The following GRIK1 variants were observed in gnomAD, a reference collection of about 807,000 sequenced individuals.
GRIK1 encodes glutamate receptor ionotropic, kainate 1.
Under a neutral mutation model 105.7 loss-of-function variants are expected in GRIK1, and 69 were observed. That is an observed-to-expected ratio of 0.65 (90% confidence interval 0.54 to 0.80). The LOEUF is 0.80. GRIK1 is among the 30% of genes least tolerant of loss of function. The pLI, the probability that GRIK1 is intolerant of heterozygous loss-of-function variation, is 0.00. For synonymous variants in GRIK1, 438 were observed against 431.3 expected (o/e 1.02, Z -0.19); for missense variants, 1,109 against 1,167.3 (o/e 0.95, Z 0.73).
chr21:29,719,186 A>C (rs148481415), intron 1 of GRIK1, among the ~76,000 whole-genome samples: 192 of 150,844 alleles, frequency 1.3e-3, no homozygotes, highest in African/African-American at 4.6e-3. Context: ...CTTTATATAT[A>C]ATTTTATCTA....
intron 1 of GRIK1, among the ~76,000 whole-genome samples, chr21:29,850,983 T>G (rs1169540912): frequency 1.3e-5 from 2 of 152,180 alleles, no homozygotes; most frequent in Non-Finnish European, 2.9e-5. Context: ...TTTATTACTG[T>G]CAGTCTGTAC....
intron 1 of GRIK1, among the ~76,000 whole-genome samples, chr21:29,713,957 C>T (rs1174267180): frequency 6.6e-6 from 1 of 152,112 alleles, no homozygotes; most frequent in Non-Finnish European, 1.5e-5. Context: ...TTTATAGTCT[C>T]AGCAACTGTA....
intron 14 of GRIK1, among the ~76,000 whole-genome samples, chr21:29,562,722 G>T (rs886192905): frequency 3.5e-5 from 5 of 143,784 alleles, no homozygotes; most frequent in Non-Finnish European, 7.6e-5. Context: ...AATTTTAATT[G>T]TAATCATATT....
intron 7 of GRIK1, among the ~76,000 whole-genome samples, chr21:29,633,719 A>G (rs2062336216): frequency 6.6e-6 from 1 of 151,982 alleles, no homozygotes; most frequent in African/African-American, 2.4e-5. Flanking sequence ...GGACCTAAAA[A>G]CCCACTCTTC....
At chr21:29,898,061 T>C (rs567487273) in intron 1 of GRIK1, among the ~76,000 whole-genome samples, 4 of 152,240 alleles carry the variant, frequency 2.6e-5, no homozygotes, top group African/African-American at 9.6e-5. Context: ...CTTCTTCGCC[T>C]ACTGAGTCTT....
At chr21:29,790,256 C>T (rs2066376384) in intron 1 of GRIK1, among the ~76,000 whole-genome samples, 1 of 152,092 alleles carries the variant, frequency 6.6e-6, no homozygotes, top group African/African-American at 2.4e-5. Flanking sequence ...ACCATGTTGG[C>T]CAGGATGGTC....
chr21:29,832,109 C>A lies in GRIK1; in HGVS notation c.118+107274G>T, dbSNP rs113942083. Among the ~76,000 whole-genome samples the A allele has an allele frequency of 5.2e-3, 793 of 152,280 alleles. 7 individuals are homozygous for A. Among genetic ancestry groups the A allele is most frequent in the African/African-American group, 0.018 (758 of 41,554 alleles). ...TTAAATCTTAAAGCTCCAAAATAAT[C>A]TTCTTTGACTCCATGTCTCACATCC... is the stretch of plus-strand genomic sequence containing the variant. On this transcript the variant is annotated intron_variant, in intron 1 of 17. Coordinates refer to ENST00000327783, the MANE Select transcript of GRIK1 (RefSeq NM_001330994.2).
At chr21:29,909,548 CT>C (rs2070747518) in intron 1 of GRIK1, among the ~76,000 whole-genome samples, 1 of 151,974 alleles carries the variant, frequency 6.6e-6, no homozygotes, top group African/African-American at 2.4e-5. Flanking sequence ...AGTTTGATAT[CT>C]TTCTATGTGT....
At position 29,887,758 on chromosome 21, in the gene GRIK1, C is replaced by T. The variant is rs141104510; in HGVS notation, c.118+51625G>A. The stretch of plus-strand genomic sequence containing the variant: ...TCCTTAGGCTTGTTATCTCATGCAG[C>T]TGTTCCAGAAATCATATCTATGTTC... On this transcript the variant is annotated intron_variant, in intron 1 of 17. Coordinates refer to ENST00000327783, the MANE Select transcript of GRIK1 (RefSeq NM_001330994.2). Among the ~76,000 whole-genome samples the T allele has an allele frequency of 7.6e-4, 116 of 152,144 alleles. No homozygotes were observed. The East Asian group carries it at 0.019, about 25-fold the overall frequency.
Position 29,615,304 on chromosome 21 carries a change from T to A in GRIK1, c.1099-16367A>T, listed in dbSNP as rs151211879. Among the ~76,000 whole-genome samples, 387 of 150,246 alleles carry A rather than the reference T, an allele frequency of 2.6e-3. 1 individual carries two copies. The highest frequency in any genetic ancestry group is 0.013 in the South Asian group (62 of 4,776). ...TTTGCCTTCATGGCCCACTATTCCT[T>A]TTTTTCTTTCTTTCTTTCTTTTTTT... is the stretch of plus-strand genomic sequence containing the variant. On this transcript the variant is annotated intron_variant, in intron 7 of 17. Transcript: ENST00000327783.
chr21:29,620,088 A>G (rs369626902), intron 7 of GRIK1, among the ~76,000 whole-genome samples: 5 of 152,292 alleles, frequency 3.3e-5, no homozygotes, highest in East Asian at 3.9e-4. Flanking sequence ...GGCTCCTTAT[A>G]AAGATGTGCG....
At chr21:29,650,182 A>C (rs1318655878) in intron 6 of GRIK1, among the ~76,000 whole-genome samples, 3 of 152,274 alleles carry the variant, frequency 2.0e-5, no homozygotes, top group East Asian at 3.9e-4. Flanking sequence ...AGAACCACTT[A>C]ATTCATTCAT....
chr21:29,552,978 T>C (rs1230696780), intron 16 of GRIK1, among the ~76,000 whole-genome samples: 2 of 152,108 alleles, frequency 1.3e-5, no homozygotes, highest in Admixed American at 1.3e-4. Flanking sequence ...TTTAAATCTT[T>C]AAATGCTAAG....
chr21:29,833,660 G>A (rs1488618932), intron 1 of GRIK1, among the ~76,000 whole-genome samples: 1 of 152,080 alleles, frequency 6.6e-6, no homozygotes, highest in African/African-American at 2.4e-5. Flanking sequence ...CAGCAAAGGG[G>A]AAGTCTACCT....
chr21:29,862,272 A>G (rs1487865691), intron 1 of GRIK1, among the ~76,000 whole-genome samples: 1 of 152,180 alleles, frequency 6.6e-6, no homozygotes, highest in Non-Finnish European at 1.5e-5. Context: ...ACAGGCATGA[A>G]TCATCACACC....
intron 1 of GRIK1, among the ~76,000 whole-genome samples, chr21:29,884,359 A>G (rs146352171): frequency 4.6e-5 from 7 of 152,178 alleles, no homozygotes; most frequent in South Asian, 2.1e-4. Flanking sequence ...TTTTTGAATT[A>G]ACCAGAGTCT....
At chr21:29,727,794 G>A (rs2064507022) in intron 1 of GRIK1, among the ~76,000 whole-genome samples, 2 of 152,188 alleles carry the variant, frequency 1.3e-5, no homozygotes, top group South Asian at 4.1e-4. Flanking sequence ...AATTTATGAT[G>A]AGGGATTGGT....
intron 7 of GRIK1, among the ~76,000 whole-genome samples, chr21:29,631,219 G>A (rs2062264273): frequency 6.6e-6 from 1 of 152,160 alleles, no homozygotes; most frequent in Non-Finnish European, 1.5e-5. Context: ...CTGGGTTGTT[G>A]TTACAGATTG....
At chr21:29,728,387 G>A (rs418284) in intron 1 of GRIK1, among the ~76,000 whole-genome samples, 149,779 of 152,276 alleles carry the variant, frequency 0.98, 73,699 homozygotes, top group East Asian at 1. Flanking sequence ...GAAACTTGAC[G>A]TGAAGGGGGA....
Sources: gnomAD v4.1 joint callset for allele counts (sites outside exome capture counted in the v4.1 genomes callset) on GRCh38, gnomAD v4.1.1 for gene constraint, MANE v1.5 for transcripts, NCBI Gene and HGNC (gene_info 2026-07-23, HGNC 2026-07-21) for gene names.